ZBTB44: variants seen among roughly 807,000 people sequenced by gnomAD.
The protein encoded by ZBTB44 is zinc finger and BTB domain-containing protein 44.
In ZBTB44, 15 loss-of-function variants were observed where a neutral mutation model predicts 54.0. The observed-to-expected ratio is 0.28, with a 90% CI of 0.19 to 0.43. The LOEUF is 0.43. Ranked by LOEUF, ZBTB44 falls within the 20% of genes least tolerant of loss-of-function variation. The pLI, the probability that ZBTB44 is intolerant of heterozygous loss-of-function variation, is 1.00. For synonymous variants in ZBTB44, 230 were observed against 250.1 expected, an observed-to-expected ratio of 0.92 and a Z score of 0.76; for missense variants, 487 against 707.1, an observed-to-expected ratio of 0.69 and a Z score of 3.53.
chr11:130,293,542 G>A (rs913595615), intron 1 of ZBTB44, among the ~76,000 whole-genome samples: 1 of 150,998 alleles, frequency 6.6e-6, no homozygotes, highest in Non-Finnish European at 1.5e-5. Context: ...CACTTTGGGA[G>A]GCCAAGGTAG....
intron 1 of ZBTB44, among the ~76,000 whole-genome samples, chr11:130,288,678 A>G (rs1445006538): frequency 6.6e-6 from 1 of 151,970 alleles, no homozygotes; most frequent in Non-Finnish European, 1.5e-5. Context: ...CAGGCAGATC[A>G]CCTGAGGTCA....
chr11:130,273,479 A>C (rs1277329659), intron 1 of ZBTB44, among the ~76,000 whole-genome samples: 1 of 151,506 alleles, frequency 6.6e-6, no homozygotes, highest in African/African-American at 2.4e-5. Context: ...TGCCTGGCTA[A>C]TTTTTGTATT....
At chr11:130,311,122 A>C (rs61915097) in intron 1 of ZBTB44, among the ~76,000 whole-genome samples, 1,929 of 152,348 alleles carry the variant, frequency 0.013, 18 homozygotes, top group Middle Eastern at 0.024. Context: ...AAGAAATCTT[A>C]AACTACATGA....
At chr11:130,279,916 A>G (rs1048775621) in intron 1 of ZBTB44, among the ~76,000 whole-genome samples, 2 of 152,196 alleles carry the variant, frequency 1.3e-5, no homozygotes, top group African/African-American at 4.8e-5. Context: ...TCCCCACCAC[A>G]AAAAATCTCT....
At chr11:130,280,689 CAGAA>C (rs1940436913) in intron 1 of ZBTB44, among the ~76,000 whole-genome samples, 2 of 152,172 alleles carry the variant, frequency 1.3e-5, no homozygotes, top group South Asian at 2.1e-4. Flanking sequence ...AAATTGGTAA[CAGAA>C]AGGTAATTAA....
In ZBTB44 at chr11:130,234,074, C is replaced by G. The variant is rs1467870177; in HGVS notation, c.1686+82G>C. ...GCACAAGCACTGCTCTTTGGCTGCT[C>G]TGGCACTTCTTCCTCTTTTTCTGCC... On this transcript the variant is annotated intron_variant, in intron 6 of 7. Transcript: ENST00000357899. The G allele has an allele frequency of 7.2e-6, 11 of 1,532,254 alleles. No homozygotes were observed. In the East Asian group the frequency reaches 2.7e-4, roughly 38 times the overall value. The allele number at this position is 1,532,254 out of a possible 1,614,324, so 94.9% of individuals were successfully genotyped here. A position where few individuals can be genotyped will look rare whatever the true frequency, so the allele number is the denominator to read the frequency against.
intron 1 of ZBTB44, among the ~76,000 whole-genome samples, chr11:130,292,150 C>T (rs1565681262): frequency 1.3e-5 from 2 of 152,170 alleles, no homozygotes; most frequent in Non-Finnish European, 2.9e-5. Flanking sequence ...GTAACACAAT[C>T]TGTTTATCAT....
intron 5 of ZBTB44, among the ~76,000 whole-genome samples, chr11:130,235,270 GAGA>G (rs1288922874): frequency 2.6e-5 from 4 of 152,156 alleles, no homozygotes; most frequent in Admixed American, 2.0e-4. Flanking sequence ...TCAGGTGTTA[GAGA>G]AGAAGAATGG....
At chr11:130,252,913 G>A (rs1408805084) in intron 2 of ZBTB44, among the ~76,000 whole-genome samples, 1 of 152,080 alleles carries the variant, frequency 6.6e-6, no homozygotes, top group African/African-American at 2.4e-5. Flanking sequence ...TTCAACATAT[G>A]CAAATCAATA....
At chr11:130,269,338 A>G (rs1939505387) in intron 1 of ZBTB44, among the ~76,000 whole-genome samples, 1 of 151,932 alleles carries the variant, frequency 6.6e-6, no homozygotes, top group Non-Finnish European at 1.5e-5. Flanking sequence ...ATGAATATGT[A>G]TATGTGTAGT....
intron 3 of ZBTB44, chr11:130,239,495 C>A: frequency 3.9e-6 from 1 of 256,086 alleles, no homozygotes; most frequent in South Asian, 4.5e-5. Flanking sequence ...AGCAAATGAG[C>A]CTGGTTGTGT....
At chr11:130,264,275 AC>A (rs1939089503) in intron 1 of ZBTB44, among the ~76,000 whole-genome samples, 1 of 152,190 alleles carries the variant, frequency 6.6e-6, no homozygotes, top group Non-Finnish European at 1.5e-5. Flanking sequence ...GCTATCAAAG[AC>A]CTTTTCTTCC....
intron 1 of ZBTB44, among the ~76,000 whole-genome samples, chr11:130,262,894 C>CA (rs141984109): frequency 0.041 from 6,177 of 152,146 alleles, 306 homozygotes; most frequent in African/African-American, 0.11. Context: ...CCTGTCTCTA[C>CA]AAAAAAACAC....
At chr11:130,313,256 GTAA>G (rs1942731290) in intron 1 of ZBTB44, among the ~76,000 whole-genome samples, 1 of 152,124 alleles carries the variant, frequency 6.6e-6, no homozygotes, top group African/African-American at 2.4e-5. Flanking sequence ...TAAAATTCAA[GTAA>G]TAATATCTGC....
intron 1 of ZBTB44, among the ~76,000 whole-genome samples, chr11:130,299,091 A>T (rs1220284371): frequency 6.6e-6 from 1 of 151,762 alleles, no homozygotes; most frequent in African/African-American, 2.4e-5. Flanking sequence ...TCAAAACATT[A>T]AAAAAAACTG....
In ZBTB44 at chr11:130,313,937, T is replaced by TG. The variant is rs71061380; in HGVS notation, c.-57+437_-57+438insC. Among the ~76,000 whole-genome samples the TG allele has an allele frequency of 2.7e-3, 243 of 91,592 alleles. 1 individual carries two copies. The highest frequency in any genetic ancestry group is 9.3e-3 in the African/African-American group (235 of 25,200). The allele number at this position is 91,592 out of a possible 152,430, so 60.1% of individuals were successfully genotyped here. On this transcript the variant is annotated intron_variant, in intron 1 of 7. Coordinates refer to ENST00000357899, the MANE Select transcript of ZBTB44 (RefSeq NM_001301098.2). ...GTGTGTGTGTGTATGTGTGTGTGTG[T>TG]TTGTGTGTGTGTATATATATATATA...
intron 1 of ZBTB44, among the ~76,000 whole-genome samples, chr11:130,265,449 T>A (rs749658077): frequency 2.6e-4 from 40 of 152,158 alleles, no homozygotes; most frequent in Non-Finnish European, 4.9e-4. Context: ...GGTCTCGAAC[T>A]CCTGACCTCA....
intron 5 of ZBTB44, chr11:130,236,115 ATCTTTC>A: frequency 1.6e-6 from 2 of 1,282,758 alleles, no homozygotes; most frequent in Non-Finnish European, 1.0e-6. Flanking sequence ...CTTACATTTT[ATCTTTC>A]TCTAAGTTTC....
At position 130,243,234 on chromosome 11, in the gene ZBTB44, A is replaced by AC. The variant is rs1591938269; in HGVS notation, c.1019-3339_1019-3338insG. ...TATTTCTGCTGCATTTAAAAAACAC[A>AC]TTTTTTTTTTCCTGTTGGTTCTCTC... is the stretch of plus-strand genomic sequence containing the variant. On this transcript the variant is annotated intron_variant, in intron 2 of 7. Transcript: ENST00000357899. Among the ~76,000 whole-genome samples, 4 of 149,876 alleles carry AC rather than the reference A, an allele frequency of 2.7e-5. No homozygotes were observed. In the East Asian group the frequency reaches 7.8e-4, roughly 29 times the overall value.
Sources: allele counts gnomAD v4.1 joint callset (sites outside exome capture counted in the v4.1 genomes callset), GRCh38; gene constraint gnomAD v4.1.1; transcripts MANE v1.5; gene names NCBI Gene and HGNC (gene_info 2026-07-23, HGNC 2026-07-21).